Variants in ABCA12 observed in about 807,000 individuals in gnomAD.
ABCA12 encodes the protein ATP binding cassette subfamily A member 12.
In ABCA12, 156 loss-of-function variants were observed where a neutral mutation model predicts 293.5. The ratio of observed to expected loss-of-function variants is 0.53; its 90% CI spans 0.47 to 0.61. ABCA12 has a LOEUF of 0.61. Ranked by LOEUF, ABCA12 falls within the 20% of genes least tolerant of loss-of-function variation. The pLI is 0.00. For synonymous variants in ABCA12, 1,063 were observed against 1,108.0 expected, an observed-to-expected ratio of 0.96 and a Z score of 0.81; for missense variants, 2,797 against 3,090.2, an observed-to-expected ratio of 0.91 and a Z score of 2.25.
intron 1 of ABCA12, among the ~76,000 whole-genome samples, chr2:215,120,593 C>T (rs1380603505): frequency 2.6e-5 from 4 of 151,982 alleles, no homozygotes; most frequent in Non-Finnish European, 5.9e-5. Context: ...TGTGAAGATC[C>T]ACAGATGGGG....
At chr2:215,132,879 A>G (rs1180372766) in intron 1 of ABCA12, among the ~76,000 whole-genome samples, 3 of 151,880 alleles carry the variant, frequency 2.0e-5, no homozygotes, top group African/African-American at 7.2e-5. Flanking sequence ...TTTTGTTTCT[A>G]TGTTTAGAAA....
rs988042845 is a variant in ABCA12 at position 215,095,241 on chromosome 2, A to G, written c.163+16356T>C. Among the ~76,000 whole-genome samples, 103 of 152,328 alleles carry G rather than the reference A, an allele frequency of 6.8e-4. 1 individual carries two copies. The highest frequency in any genetic ancestry group is 2.4e-3 in the African/African-American group (101 of 41,568). On this transcript the variant is annotated intron_variant, in intron 2 of 52. Coordinates refer to ENST00000272895, the MANE Select transcript of ABCA12 (RefSeq NM_173076.3). Reference sequence around the variant, plus strand: ...TATAACAACATAAAAAAACTCAAAGATAGAGCCCAAAAACTCACCAACCAA... The same window carrying G: ...TATAACAACATAAAAAAACTCAAAGGTAGAGCCCAAAAACTCACCAACCAA...
At chr2:215,008,951 C>T (rs543953141) in intron 18 of ABCA12, among the ~76,000 whole-genome samples, 2 of 152,176 alleles carry the variant, frequency 1.3e-5, no homozygotes, top group South Asian at 2.1e-4. Flanking sequence ...AAATACCATT[C>T]GACTCAGCAA....
intron 1 of ABCA12, among the ~76,000 whole-genome samples, chr2:215,129,334 G>T (rs1469241702): frequency 6.6e-6 from 1 of 152,212 alleles, no homozygotes; most frequent in Non-Finnish European, 1.5e-5. Flanking sequence ...CAGGTCTCCA[G>T]GTCATGTCCC....
chr2:215,082,217 G>GTATTT (rs1216891217), intron 2 of ABCA12, among the ~76,000 whole-genome samples: 1 of 151,672 alleles, frequency 6.6e-6, no homozygotes, highest in East Asian at 1.9e-4. Context: ...GCTAATTTTT[G>GTATTT]TATTTTTAGT....
chr2:215,042,184 A>G (rs895656882), intron 7 of ABCA12: 6 of 152,194 alleles, frequency 3.9e-5, no homozygotes, highest in Non-Finnish European at 5.9e-5. Flanking sequence ...AATATAAAAT[A>G]ATTTTTAAGT....
At chr2:215,046,580 CT>C (rs1432793697) in intron 6 of ABCA12, among the ~76,000 whole-genome samples, 1 of 150,672 alleles carries the variant, frequency 6.6e-6, no homozygotes, top group African/African-American at 2.4e-5. Context: ...ATACTTAGTG[CT>C]ATGTGATTTT....
At chr2:215,100,344 G>C (rs996875401) in intron 2 of ABCA12, among the ~76,000 whole-genome samples, 2 of 152,088 alleles carry the variant, frequency 1.3e-5, no homozygotes, top group East Asian at 1.9e-4. Flanking sequence ...TCTGCCTCTT[G>C]AAAGCCACTT....
intron 1 of ABCA12, among the ~76,000 whole-genome samples, chr2:215,128,930 G>A (rs1486253220): frequency 6.6e-6 from 1 of 152,176 alleles, no homozygotes; most frequent in East Asian, 1.9e-4. Context: ...GGTAGGCTCT[G>A]TCAGAGGGAA....
chr2:215,111,098 A>G (rs1005981572), intron 2 of ABCA12, among the ~76,000 whole-genome samples: 3 of 152,238 alleles, frequency 2.0e-5, no homozygotes, highest in African/African-American at 7.2e-5. Flanking sequence ...AATGTAACTG[A>G]AAGAGCGCTA....
At chr2:214,958,017 C>A (rs1271961325) in intron 41 of ABCA12, among the ~76,000 whole-genome samples, 1 of 152,082 alleles carries the variant, frequency 6.6e-6, no homozygotes, top group African/African-American at 2.4e-5. Context: ...ATGAATTTAA[C>A]AGATCTGGAG....
chr2:215,056,130 C>T (rs7602588), intron 3 of ABCA12, among the ~76,000 whole-genome samples: 97,461 of 151,730 alleles, frequency 0.64, 31,938 homozygotes, highest in African/African-American at 0.77. Context: ...TCAAAATGAG[C>T]AATGGAAAGA....
intron 44 of ABCA12, among the ~76,000 whole-genome samples, chr2:214,953,594 T>G (rs1698847600): frequency 1.3e-5 from 2 of 152,240 alleles, no homozygotes; most frequent in Admixed American, 1.3e-4. Context: ...CCACTGTACC[T>G]TAATCTATTT....
chr2:215,087,802 T>C (rs1290113287), intron 2 of ABCA12, among the ~76,000 whole-genome samples: 1 of 152,122 alleles, frequency 6.6e-6, no homozygotes, highest in Non-Finnish European at 1.5e-5. Flanking sequence ...AAGGTATAAA[T>C]GTAAGAAAAC....
chr2:214,953,904 C>T lies in ABCA12; in HGVS notation c.6597G>A (p.Met2199Ile). Residue 2199 changes from methionine (M) to isoleucine (I), a missense_variant, in exon 44 of 53, where the codon ATG (methionine) becomes ATA (isoleucine). Physicochemically the swap from Met to Ile is conservative, Grantham distance 10. Transcript: ENST00000272895. Reference sequence around the variant, plus strand: ...TGATTAAGAGTCGCAAGGAAAAAAACATGGTGCCCTGAGAAACCAAAGCCA... The same window carrying T: ...TGATTAAGAGTCGCAAGGAAAAAAATATGGTGCCCTGAGAAACCAAAGCCA... ...MFVALVSQGT[M>I]FFSLRLLINE... 6.2e-7 allele frequency: 1 copy of T among 1,613,970 alleles called. No individual in the cohort carries two copies. Among genetic ancestry groups the T allele is most frequent in the Non-Finnish European group, 8.5e-7 (1 of 1,179,962 alleles).
intron 23 of ABCA12, among the ~76,000 whole-genome samples, chr2:214,996,669 C>T (rs148623892): frequency 1.6e-3 from 248 of 152,090 alleles, no homozygotes; most frequent in African/African-American, 5.7e-3. Context: ...TGTGGATCAA[C>T]CAAAATTCAA....
At position 215,100,349 on chromosome 2, in the gene ABCA12, C is replaced by A. The variant is rs181652876; in HGVS notation, c.163+11248G>T. Among the ~76,000 whole-genome samples the A allele has an allele frequency of 8.5e-4, 130 of 152,202 alleles. 2 individuals carry two copies. Among genetic ancestry groups the A allele is most frequent in the East Asian group, 5.8e-3 (30 of 5,182 alleles). On this transcript the variant is annotated intron_variant, in intron 2 of 52. Coordinates refer to ENST00000272895, the MANE Select transcript of ABCA12 (RefSeq NM_173076.3). Reference sequence around the variant, plus strand: ...TCATGCCCCTTCTGCCTCTTGAAAGCCACTTCCTCTTGTTGCATATTCACT... The same window carrying A: ...TCATGCCCCTTCTGCCTCTTGAAAGACACTTCCTCTTGTTGCATATTCACT...
Position 215,066,218 on chromosome 2 carries a change from A to G in ABCA12, c.164-1999T>C, listed in dbSNP as rs754357754. Reference sequence around the variant, plus strand: ...AATGCACTCTGTTACACAGATCTCCACTGTAACCTCTCACTTAGGGTATAG... The same window carrying G: ...AATGCACTCTGTTACACAGATCTCCGCTGTAACCTCTCACTTAGGGTATAG... On this transcript the variant is annotated intron_variant, in intron 2 of 52. Coordinates refer to ENST00000272895, the MANE Select transcript of ABCA12 (RefSeq NM_173076.3). Among the ~76,000 whole-genome samples, 82 of 152,130 alleles carry G rather than the reference A, an allele frequency of 5.4e-4. 1 individual carries two copies. Among genetic ancestry groups the G allele is most frequent in the East Asian group, 7.7e-4 (4 of 5,190 alleles).
chr2:214,945,532 T>C (rs1318453685), intron 48 of ABCA12, among the ~76,000 whole-genome samples: 1 of 152,208 alleles, frequency 6.6e-6, no homozygotes, highest in Non-Finnish European at 1.5e-5. Flanking sequence ...GATATTTCAG[T>C]TAATTTGTTT....
Sources: gnomAD v4.1 joint callset for allele counts (sites outside exome capture counted in the v4.1 genomes callset) on GRCh38, gnomAD v4.1.1 for gene constraint, MANE v1.5 for transcripts, NCBI Gene and HGNC (gene_info 2026-07-23, HGNC 2026-07-21) for gene names.